Variants in SEPTIN7 observed in about 807,000 individuals in gnomAD.
SEPTIN7 encodes septin-7.
Under a neutral mutation model 63.3 loss-of-function variants are expected in SEPTIN7, and 10 were observed. The ratio of observed to expected loss-of-function variants is 0.16; its 90% CI spans 0.10 to 0.27. The LOEUF (loss-of-function observed/expected upper bound fraction) is 0.27, where lower values mean the gene tolerates loss of function less well. Ranked by LOEUF, SEPTIN7 falls within the 10% of genes least tolerant of loss-of-function variation. The pLI is 1.00. For synonymous variants in SEPTIN7, 131 were observed against 165.3 expected, an observed-to-expected ratio of 0.79 and a Z score of 1.59; for missense variants, 310 against 521.0, an observed-to-expected ratio of 0.59 and a Z score of 3.94.
At chr7:35,882,629 C>T (rs1786958062) in intron 8 of SEPTIN7, 53 bp downstream of exon 8, 3 of 1,275,602 alleles carry the variant, frequency 2.4e-6, no homozygotes, top group Non-Finnish European at 3.0e-6. Context: ...TAAAAACATA[C>T]TACAGCGTCC....
intron 11 of SEPTIN7, among the ~76,000 whole-genome samples, chr7:35,897,139 G>A (rs910538659): frequency 1.3e-5 from 2 of 152,032 alleles, no homozygotes; most frequent in Admixed American, 1.3e-4. Context: ...TAAGCCATGA[G>A]TTAATTTTTT....
At chr7:35,856,026 G>A (rs148927857) in intron 3 of SEPTIN7, among the ~76,000 whole-genome samples, 6 of 152,042 alleles carry the variant, frequency 3.9e-5, no homozygotes, top group African/African-American at 7.3e-5. Flanking sequence ...ACTTCCATGT[G>A]TTTCTAATTT....
intron 4 of SEPTIN7, among the ~76,000 whole-genome samples, chr7:35,866,319 C>T (rs183480729): frequency 6.3e-4 from 96 of 152,310 alleles, no homozygotes; most frequent in Middle Eastern, 3.4e-3. Context: ...TGATAGTTGG[C>T]TGGCTCCTTA....
rs755660368 is a variant in SEPTIN7, at chr7:35,906,042, T to C, written c.*1749T>C. On this transcript the variant is annotated 3_prime_UTR_variant, in exon 14 of 14. Coordinates refer to ENST00000350320, the MANE Select transcript of SEPTIN7 (RefSeq NM_001788.6). ...GGGTGTTTATTTTTTTCAGTTTTTG[T>C]TTTGAGAGATTGGGTTAACACCTCT... is the stretch of plus-strand genomic sequence containing the variant. 6.6e-6 allele frequency: 1 copy of C among 152,100 alleles called. No individual in the cohort carries two copies. Among genetic ancestry groups the C allele is most frequent in the African/African-American group, 2.4e-5 (1 of 41,412 alleles). The allele number at this position is 152,100 out of a possible 1,614,324, so 9.4% of individuals were successfully genotyped here.
intron 3 of SEPTIN7, among the ~76,000 whole-genome samples, chr7:35,856,383 A>G (rs1785208368): frequency 6.6e-6 from 1 of 152,152 alleles, no homozygotes; most frequent in Non-Finnish European, 1.5e-5. Flanking sequence ...TCAACTACTG[A>G]AGGACATTGT....
chr7:35,907,331 C>T (rs891906911), downstream of SEPTIN7, among the ~76,000 whole-genome samples: 1 of 152,144 alleles, frequency 6.6e-6, no homozygotes, highest in Non-Finnish European at 1.5e-5. Context: ...ATTTTACCTG[C>T]CCCTTTTGTA....
intron 4 of SEPTIN7, among the ~76,000 whole-genome samples, chr7:35,870,318 T>G (rs1329896259): frequency 2.0e-5 from 3 of 152,220 alleles, no homozygotes. Flanking sequence ...ATCTTAAAAT[T>G]TAAGCTGTTA....
At chr7:35,901,002 A>G (rs1427441680) in intron 12 of SEPTIN7, 1 of 152,208 alleles carries the variant, frequency 6.6e-6, no homozygotes, top group East Asian at 1.9e-4. Flanking sequence ...TATATGATAC[A>G]TGATATATAT....
chr7:35,905,437 A>G lies in SEPTIN7; in HGVS notation c.*1144A>G, dbSNP rs968218497. The G allele has an allele frequency of 2.0e-5, 3 of 152,184 alleles. No individual in the cohort carries two copies. Among genetic ancestry groups the G allele is most frequent in the South Asian group, 2.1e-4 (1 of 4,830 alleles). The allele number at this position is 152,184 out of a possible 1,614,324, so 9.4% of individuals were successfully genotyped here. A position where few individuals can be genotyped will look rare whatever the true frequency, so the allele number is the denominator to read the frequency against. On this transcript the variant is annotated 3_prime_UTR_variant, in exon 14 of 14. Transcript: ENST00000350320. ...TATATGCTTGTCTCATTTAGAATGC[A>G]TATGTGCTGATTTTCTAATTTAAGA...
At chr7:35,871,876 A>T (rs752320430) in intron 4 of SEPTIN7, among the ~76,000 whole-genome samples, 11 of 152,130 alleles carry the variant, frequency 7.2e-5, no homozygotes, top group South Asian at 2.1e-4. Context: ...GATATTTTGC[A>T]TTTAACAGCA....
chr7:35,838,295 T>C (rs1784195650), intron 3 of SEPTIN7, among the ~76,000 whole-genome samples: 3 of 11,670 alleles, frequency 2.6e-4, no homozygotes, highest in Admixed American at 2.1e-3. Flanking sequence ...CTTCCTTCCT[T>C]CCTTCCTTCC....
At chr7:35,881,888 T>C (rs911355230) in intron 7 of SEPTIN7, among the ~76,000 whole-genome samples, 1 of 152,042 alleles carries the variant, frequency 6.6e-6, no homozygotes, top group Non-Finnish European at 1.5e-5. Context: ...TCCTTATTAA[T>C]TCTTGAGCTT....
At chr7:35,817,251 A>C (rs974441014) in intron 1 of SEPTIN7, among the ~76,000 whole-genome samples, 3 of 152,004 alleles carry the variant, frequency 2.0e-5, no homozygotes, top group Non-Finnish European at 4.4e-5. Flanking sequence ...GATAGGAGTC[A>C]TTCTTTTGTA....
At chr7:35,909,357 C>G (rs1334304159), downstream of SEPTIN7, among the ~76,000 whole-genome samples, 1 of 152,150 alleles carries the variant, frequency 6.6e-6, no homozygotes, top group Admixed American at 6.5e-5. Flanking sequence ...TAGACCCCAT[C>G]CCTAAGAGTC....
At chr7:35,843,356 C>A (rs746280135) in intron 3 of SEPTIN7, among the ~76,000 whole-genome samples, 46 of 152,180 alleles carry the variant, frequency 3.0e-4, no homozygotes, top group Non-Finnish European at 6.3e-4. Flanking sequence ...CTATTAGAAA[C>A]TTTTCCTCAT....
At chr7:35,839,992 A>C (rs1784327604) in intron 3 of SEPTIN7, among the ~76,000 whole-genome samples, 1 of 152,156 alleles carries the variant, frequency 6.6e-6, no homozygotes, top group South Asian at 2.1e-4. Context: ...TATCATTTTT[A>C]TTTATTTGTT....
In SEPTIN7 at chr7:35,832,805, A is replaced by G; in HGVS notation, c.74A>G (p.Lys25Arg). The change falls in exon 3 of 14, where the codon AAG becomes AGG. Residue 25 changes from lysine to arginine, a missense_variant. Transcript: ENST00000350320. Reference protein sequence around the residue: ...VNSSTMVAQQKNLEGYVGFAN... With the variant: ...VNSSTMVAQQRNLEGYVGFAN... The stretch of plus-strand genomic sequence containing the variant: ...CCTTTTTGCTTTTGTCAGCAACAGA[A>G]GAACCTTGAAGGCTATGTGGGATTT... 1.2e-6 allele frequency: 2 copies of G among 1,603,762 alleles called. No individual in the cohort carries two copies. The highest frequency in any genetic ancestry group is 1.7e-6 in the Non-Finnish European group (2 of 1,170,856).
intron 11 of SEPTIN7, among the ~76,000 whole-genome samples, chr7:35,892,857 T>C (rs866484052): frequency 1.7e-4 from 26 of 152,294 alleles, no homozygotes; most frequent in Middle Eastern, 3.4e-3. Context: ...AAGAAATGTT[T>C]GCATTGCTAA....
At chr7:35,860,139 G>T (rs1361270508) in intron 3 of SEPTIN7, among the ~76,000 whole-genome samples, 4 of 149,426 alleles carry the variant, frequency 2.7e-5, no homozygotes, top group Non-Finnish European at 1.5e-5. Context: ...ATATTTTATA[G>T]AAATTTTCTT....
Sources: allele counts gnomAD v4.1 joint callset (sites outside exome capture counted in the v4.1 genomes callset), GRCh38; gene constraint gnomAD v4.1.1; transcripts MANE v1.5; gene names NCBI Gene and HGNC (gene_info 2026-07-23, HGNC 2026-07-21).